VPS35L: variants seen among roughly 807,000 people sequenced by gnomAD.
The protein encoded by VPS35L is VPS35 endosomal protein sorting factor like.
Under a neutral mutation model 133.0 loss-of-function variants are expected in VPS35L, and 83 were observed. The observed-to-expected ratio is 0.62, with a 90% confidence interval of 0.52 to 0.75. The LOEUF (loss-of-function observed/expected upper bound fraction) is 0.75. VPS35L is among the 30% of genes least tolerant of loss of function. The pLI, the probability that VPS35L is intolerant of heterozygous loss-of-function variation, is 0.00. For missense variants in VPS35L, 1,083 were observed against 1,206.8 expected (o/e 0.90, Z 1.52); for synonymous variants, 423 against 449.9 (o/e 0.94, Z 0.76).
chr16:19,573,735 C>G (rs1369689384), intron 4 of VPS35L, among the ~76,000 whole-genome samples: 2 of 152,054 alleles, frequency 1.3e-5, no homozygotes, highest in African/African-American at 4.8e-5. Context: ...ATTGCTTGAA[C>G]CCGGGAAGTG....
intron 12 of VPS35L, among the ~76,000 whole-genome samples, chr16:19,614,066 G>T (rs72767572): frequency 0.072 from 10,942 of 152,140 alleles, 510 homozygotes; most frequent in Middle Eastern, 0.12. Flanking sequence ...ATTAAAGGAA[G>T]GTATGATTAA....
chr16:19,606,415 T>C (rs1972539558), intron 9 of VPS35L, among the ~76,000 whole-genome samples: 1 of 152,220 alleles, frequency 6.6e-6, no homozygotes. Flanking sequence ...AAAAGTTACT[T>C]CATGTGTAGA....
chr16:19,567,283 A>G (rs1470823261), intron 2 of VPS35L, among the ~76,000 whole-genome samples: 1 of 152,182 alleles, frequency 6.6e-6, no homozygotes, highest in Non-Finnish European at 1.5e-5. Flanking sequence ...GGTTAGCAAC[A>G]TCAGCAGCAG....
intron 8 of VPS35L, 104 bp from the exon 9 acceptor site, chr16:19,601,560 C>A (rs1972384345): frequency 3.6e-6 from 4 of 1,123,218 alleles, no homozygotes; most frequent in Non-Finnish European, 5.1e-6. Context: ...CAAGTTAAAG[C>A]CTGTCTGGGC....
At chr16:19,577,220 G>T (rs1219741073) in intron 5 of VPS35L, among the ~76,000 whole-genome samples, 1 of 152,156 alleles carries the variant, frequency 6.6e-6, no homozygotes, top group Non-Finnish European at 1.5e-5. Context: ...TCTGCTGTTG[G>T]TGAGGGCCTC....
chr16:19,688,198 A>C (rs1975530060), intron 28 of VPS35L, among the ~76,000 whole-genome samples: 1 of 152,042 alleles, frequency 6.6e-6, no homozygotes, highest in Non-Finnish European at 1.5e-5. Context: ...AAGTGCTGGG[A>C]TTACAGGCGT....
At chr16:19,655,680 T>C (rs1460412200) in intron 26 of VPS35L, among the ~76,000 whole-genome samples, 1 of 152,206 alleles carries the variant, frequency 6.6e-6, no homozygotes, top group Non-Finnish European at 1.5e-5. Flanking sequence ...GTGCATAGAC[T>C]GGATTGTGCA....
intron 7 of VPS35L, among the ~76,000 whole-genome samples, chr16:19,588,269 C>A (rs1420936537): frequency 6.6e-6 from 1 of 152,026 alleles, no homozygotes; most frequent in Non-Finnish European, 1.5e-5. Flanking sequence ...TCACTGAAAC[C>A]TTCACCTCCC....
intron 26 of VPS35L, among the ~76,000 whole-genome samples, chr16:19,662,232 C>G (rs569693259): frequency 6.6e-6 from 1 of 151,878 alleles, no homozygotes; most frequent in East Asian, 1.9e-4. Context: ...AGGCCAGGCA[C>G]GGTGGCTCAT....
chr16:19,587,268 G>T (rs935317832), intron 7 of VPS35L: 1 of 430,160 alleles, frequency 2.3e-6, no homozygotes, highest in Non-Finnish European at 4.7e-6. Flanking sequence ...AGATTTGGGT[G>T]GGAACACAGA....
chr16:19,619,927 G>A (rs1252862170), intron 14 of VPS35L, among the ~76,000 whole-genome samples: 1 of 152,144 alleles, frequency 6.6e-6, no homozygotes, highest in African/African-American at 2.4e-5. Context: ...AGAACTGTGT[G>A]TATCCATTAG....
intron 28 of VPS35L, among the ~76,000 whole-genome samples, chr16:19,687,559 G>A (rs1975506005): frequency 6.6e-6 from 1 of 152,196 alleles, no homozygotes; most frequent in African/African-American, 2.4e-5. Flanking sequence ...CAATCGCAAA[G>A]GAAACCTTGG....
rs1227674247 is a variant in VPS35L at position 19,651,323 on chromosome 16, G to A, written c.2107-653G>A. On this transcript the variant is annotated intron_variant, in intron 25 of 30. Coordinates refer to ENST00000417362, the MANE Select transcript of VPS35L (RefSeq NM_020314.7). ...GTCTTGCTCTGTCACCCAGGCAGGA[G>A]TGCCGTGGCACCATCATAGCTCACT... Among the ~76,000 whole-genome samples the A allele has an allele frequency of 2.0e-5, 3 of 152,142 alleles. 1 individual carries two copies. The highest frequency in any genetic ancestry group is 2.0e-4 in the Admixed American group (3 of 15,278).
chr16:19,638,847 G>A (rs1037935228), intron 20 of VPS35L, among the ~76,000 whole-genome samples: 1 of 152,200 alleles, frequency 6.6e-6, no homozygotes, highest in Admixed American at 6.5e-5. Context: ...GCTCACACCT[G>A]TAAACCCAGC....
Position 19,608,280 on chromosome 16 carries a change from C to CTTTTT in VPS35L, c.881+16_881+20dup. The CTTTTT allele has an allele frequency of 4.3e-6, 6 of 1,386,670 alleles. No individual in the cohort carries two copies. The highest frequency in any genetic ancestry group is 1.9e-5 in the Admixed American group (1 of 53,376). The allele number at this position is 1,386,670 out of a possible 1,614,324, so 85.9% of individuals were successfully genotyped here. On this transcript the variant is annotated splice_region_variant and intron_variant, in intron 10 of 30. Transcript: ENST00000417362. The stretch of plus-strand genomic sequence containing the variant: ...AGGGAACTCATTCCAAGATTGTATC[C>CTTTTT]TTTTTTTTTTTTTTGGTCTGATGAT...
intron 5 of VPS35L, 34 bp downstream of exon 5, chr16:19,575,156 A>C (rs762528700): frequency 1.3e-6 from 2 of 1,590,416 alleles, no homozygotes; most frequent in Non-Finnish European, 1.7e-6. Flanking sequence ...TGATGGGAAA[A>C]TTCTGGCATT....
intron 17 of VPS35L, among the ~76,000 whole-genome samples, 174 bp downstream of exon 17, chr16:19,628,927 G>T (rs1973358970): frequency 1.3e-5 from 2 of 152,260 alleles, no homozygotes; most frequent in African/African-American, 4.8e-5. Context: ...GAGTAGCTGG[G>T]ATTACAGGTG....
chr16:19,672,972 C>A (rs986406046), intron 27 of VPS35L, among the ~76,000 whole-genome samples: 4 of 152,160 alleles, frequency 2.6e-5, no homozygotes, highest in African/African-American at 9.7e-5. Flanking sequence ...TTTTGAAAAG[C>A]CTTCTCAGAT....
chr16:19,634,417 C>CAAAAA (rs57823383), intron 19 of VPS35L, among the ~76,000 whole-genome samples: 1 of 104,798 alleles, frequency 9.5e-6, no homozygotes. Flanking sequence ...GACACGGTCT[C>CAAAAA]AAAAAAAAAA....
Sources: allele counts gnomAD v4.1 joint callset (sites outside exome capture counted in the v4.1 genomes callset), GRCh38; gene constraint gnomAD v4.1.1; transcripts MANE v1.5; gene names NCBI Gene and HGNC (gene_info 2026-07-23, HGNC 2026-07-21).